Variants in MEIS1 observed in about 807,000 individuals in gnomAD.
The protein encoded by MEIS1 is Meis homeobox 1, also known as homeobox protein Meis1.
In MEIS1, 5 loss-of-function variants were observed where a neutral mutation model predicts 50.8. The observed-to-expected ratio is 0.10, with a 90% CI of 0.05 to 0.21. The LOEUF (loss-of-function observed/expected upper bound fraction) is 0.21. Ranked by LOEUF, MEIS1 falls within the 10% of genes least tolerant of loss-of-function variation. The pLI is 1.00. For missense variants in MEIS1, 318 were observed against 517.3 expected, an observed-to-expected ratio of 0.61 and a Z score of 3.74; for synonymous variants, 176 against 179.3, an observed-to-expected ratio of 0.98 and a Z score of 0.15.
intron 6 of MEIS1, chr2:66,461,819 AT>A: frequency 2.1e-6 from 1 of 468,578 alleles, no homozygotes; most frequent in Non-Finnish European, 4.4e-6. Context: ...CGGAATCAGA[AT>A]TTCCAGCAAG....
intron 8 of MEIS1, among the ~76,000 whole-genome samples, chr2:66,532,459 C>A (rs994173756): frequency 1.3e-5 from 2 of 151,840 alleles, no homozygotes. Context: ...TGACACTCAC[C>A]CCAATTGTGC....
chr2:66,482,673 T>A (rs1294094834), intron 7 of MEIS1, among the ~76,000 whole-genome samples: 1 of 152,220 alleles, frequency 6.6e-6, no homozygotes, highest in African/African-American at 2.4e-5. Context: ...TGTGCTAAGC[T>A]CTGGGATGAC....
chr2:66,542,385 A>C (rs1479630714), intron 8 of MEIS1, among the ~76,000 whole-genome samples: 1 of 152,118 alleles, frequency 6.6e-6, no homozygotes, highest in Non-Finnish European at 1.5e-5. Context: ...GAGGAGGCAA[A>C]GGGCTGGAGG....
At chr2:66,524,168 G>A (rs1424850688) in intron 8 of MEIS1, among the ~76,000 whole-genome samples, 1 of 152,176 alleles carries the variant, frequency 6.6e-6, no homozygotes, top group Non-Finnish European at 1.5e-5. Context: ...ACCTTCTTGT[G>A]CTGTCTGAAC....
At chr2:66,489,538 G>A (rs572694219) in intron 7 of MEIS1, among the ~76,000 whole-genome samples, 1 of 152,246 alleles carries the variant, frequency 6.6e-6, no homozygotes, top group Admixed American at 6.5e-5. Context: ...CTTAAATATT[G>A]GAAGCTCTCA....
chr2:66,512,658 A>T (rs1051983306), intron 8 of MEIS1, among the ~76,000 whole-genome samples: 1 of 152,192 alleles, frequency 6.6e-6, no homozygotes, highest in East Asian at 1.9e-4. Flanking sequence ...GAGAGACTTA[A>T]TATCTTCTGA....
intron 6 of MEIS1, among the ~76,000 whole-genome samples, chr2:66,447,695 A>G (rs1672184877): frequency 6.6e-6 from 1 of 152,192 alleles, no homozygotes; most frequent in South Asian, 2.1e-4. Context: ...CACTTTTAAA[A>G]CATTCTAGAA....
In MEIS1 at chr2:66,555,898, G is replaced by A. The variant is rs370925614; in HGVS notation, c.965+7879G>A. 1.2e-3 allele frequency among the ~76,000 whole-genome samples: 183 copies of A among 152,332 alleles called. 1 individual carries two copies. The Middle Eastern group carries it at 0.014, about 11-fold the overall frequency. On this transcript the variant is annotated intron_variant, in intron 9 of 12. Transcript: ENST00000272369. ...TTTCTTGAAAAATGGAGTGGAGCCA[G>A]GGGCTCGGGGGAAGGAAGTGTTTCC...
chr2:66,441,625 C>T (rs923624637), intron 5 of MEIS1, 161 bp downstream of exon 5: 14 of 601,422 alleles, frequency 2.3e-5, no homozygotes, highest in African/African-American at 4.0e-5. Flanking sequence ...CATTTCTCTT[C>T]GCAGTTTAAT....
intron 9 of MEIS1, among the ~76,000 whole-genome samples, chr2:66,564,797 T>C (rs1055995940): frequency 3.5e-4 from 53 of 152,022 alleles, no homozygotes; most frequent in African/African-American, 1.3e-3. Context: ...TATGTATACA[T>C]GTGCCATGTT....
rs7591323 is a variant in MEIS1 at position 66,537,536 on chromosome 2, C to T, written c.889-10407C>T. ...TGGGAGCAGCACGAATTCTCCATCT[C>T]ATTCTCCCTGTCTCTATCTTTTTCT... On this transcript the variant is annotated intron_variant, in intron 8 of 12. Coordinates refer to ENST00000272369, the MANE Select transcript of MEIS1 (RefSeq NM_002398.3). Among the ~76,000 whole-genome samples, 1,463 of 152,206 alleles carry T rather than the reference C, an allele frequency of 9.6e-3. 21 individuals carry two copies. The highest frequency in any genetic ancestry group is 0.033 in the African/African-American group (1,383 of 41,452).
Position 66,467,906 on chromosome 2 carries a change from T to G in MEIS1, c.742+3686T>G, listed in dbSNP as rs373274744. Among the ~76,000 whole-genome samples the G allele has an allele frequency of 3.3e-5, 5 of 152,346 alleles. No homozygotes were observed. In the East Asian group the frequency reaches 5.8e-4, roughly 18 times the overall value. ...TGGTTGGGGATTCTGTTGCTGTTGC[T>G]ACAACATTGATTTTTGTTTACTCCA... On this transcript the variant is annotated intron_variant, in intron 7 of 12. Coordinates refer to ENST00000272369, the MANE Select transcript of MEIS1 (RefSeq NM_002398.3).
Position 66,571,342 on chromosome 2 carries a change from A to AT in MEIS1, c.*135dup, listed in dbSNP as rs1373941582. On this transcript the variant is annotated 3_prime_UTR_variant, in exon 13 of 13. Coordinates refer to ENST00000272369, the MANE Select transcript of MEIS1 (RefSeq NM_002398.3). ...TATACCCAACCCCAGATGCCCCCCC[A>AT]TCCTGCTCAGCTGCGTCATGGGCCC... 2 of 1,599,240 alleles carry AT rather than the reference A, an allele frequency of 1.3e-6. No homozygotes were observed. Among genetic ancestry groups the AT allele is most frequent in the Non-Finnish European group, 1.7e-6 (2 of 1,172,868 alleles).
At chr2:66,528,231 G>C (rs1332449414) in intron 8 of MEIS1, among the ~76,000 whole-genome samples, 1 of 152,100 alleles carries the variant, frequency 6.6e-6, no homozygotes, top group Non-Finnish European at 1.5e-5. Flanking sequence ...ATAGAATTTG[G>C]GGGATTATTA....
At chr2:66,560,622 T>C (rs1675190498) in intron 9 of MEIS1, among the ~76,000 whole-genome samples, 1 of 151,680 alleles carries the variant, frequency 6.6e-6, no homozygotes, top group Non-Finnish European at 1.5e-5. Flanking sequence ...GAAAATTGTA[T>C]ATGTAATTAC....
chr2:66,568,446 C>A, intron 10 of MEIS1: 1 of 439,640 alleles, frequency 2.3e-6, no homozygotes, highest in East Asian at 4.4e-5. Context: ...AAAGTTTCCA[C>A]ACCTTAACTG....
intron 5 of MEIS1, among the ~76,000 whole-genome samples, chr2:66,442,243 A>C (rs560844638): frequency 6.8e-6 from 1 of 146,902 alleles, no homozygotes; most frequent in East Asian, 2.0e-4. Flanking sequence ...ACACTTAAAT[A>C]TTTTGAGGCA....
intron 7 of MEIS1, among the ~76,000 whole-genome samples, chr2:66,500,860 A>G (rs1673537421): frequency 6.6e-6 from 1 of 152,256 alleles, no homozygotes; most frequent in Non-Finnish European, 1.5e-5. Context: ...ATACATGCAT[A>G]GCAAATACAT....
chr2:66,552,263 T>C (rs947487507), intron 9 of MEIS1, among the ~76,000 whole-genome samples: 1 of 152,118 alleles, frequency 6.6e-6, no homozygotes, highest in Non-Finnish European at 1.5e-5. Context: ...CTCAGCAGAG[T>C]TTTGGCCTAG....
Sources: allele counts gnomAD v4.1 joint callset (sites outside exome capture counted in the v4.1 genomes callset), GRCh38; gene constraint gnomAD v4.1.1; transcripts MANE v1.5; gene names NCBI Gene and HGNC (gene_info 2026-07-23, HGNC 2026-07-21).